TCF7L2: variants seen among roughly 807,000 people sequenced by gnomAD.
TCF7L2 encodes transcription factor 7 like 2, also known as transcription factor 7-like 2.
TCF7L2 carries 23 observed loss-of-function variants against 77.9 expected under a neutral mutation model. The ratio of observed to expected loss-of-function variants is 0.30; its 90% CI spans 0.21 to 0.42. The LOEUF (loss-of-function observed/expected upper bound fraction) is 0.42. Among genes scored for constraint, TCF7L2 ranks in the 10% least tolerant of loss-of-function variants. The pLI is 1.00. For synonymous variants in TCF7L2, 413 were observed against 340.2 expected (o/e 1.21, Z -2.36); for missense variants, 654 against 793.1 (o/e 0.82, Z 2.11).
At chr10:113,031,086 C>T (rs572605431) in intron 4 of TCF7L2, among the ~76,000 whole-genome samples, 1 of 152,172 alleles carries the variant, frequency 6.6e-6, no homozygotes, top group Non-Finnish European at 1.5e-5. Flanking sequence ...GAGTTCTGGC[C>T]TGGAAGTACC....
At chr10:112,991,258 G>A (rs138664086) in intron 4 of TCF7L2, among the ~76,000 whole-genome samples, 1 of 151,790 alleles carries the variant, frequency 6.6e-6, no homozygotes, top group South Asian at 2.1e-4. Flanking sequence ...GGCCGGGCGC[G>A]GTGGCTCATG....
At chr10:113,111,255 A>C (rs1268066395) in intron 5 of TCF7L2, among the ~76,000 whole-genome samples, 1 of 152,162 alleles carries the variant, frequency 6.6e-6, no homozygotes, top group Non-Finnish European at 1.5e-5. Context: ...GCTTTTTGAC[A>C]GTTGTAAATA....
chr10:113,000,525 C>T (rs35801464), intron 4 of TCF7L2, among the ~76,000 whole-genome samples: 8,352 of 152,196 alleles, frequency 0.055, 233 homozygotes, highest in Non-Finnish European at 0.064. Flanking sequence ...TGGATTTAAC[C>T]AGCAGCCCAG....
intron 4 of TCF7L2, among the ~76,000 whole-genome samples, chr10:112,982,011 G>A (rs879333353): frequency 6.6e-6 from 1 of 152,186 alleles, no homozygotes; most frequent in Admixed American, 6.5e-5. Flanking sequence ...TTATCCCTCT[G>A]TCTTTGCTTC....
Position 112,951,625 on chromosome 10 carries a change from C to A in TCF7L2, c.381+18C>A. The A allele has an allele frequency of 8.6e-7, 1 of 1,160,590 alleles. No individual in the cohort carries two copies. The highest frequency in any genetic ancestry group is 1.1e-6 in the Non-Finnish European group (1 of 926,818). The allele number at this position is 1,160,590 out of a possible 1,614,324, so 71.9% of individuals were successfully genotyped here. ...CCCGAACCGTAAGTGCCTCCGCGCC[C>A]GGCCCCCGCCCGCTGCCCGCCCGCC... On this transcript the variant is annotated intron_variant, in intron 3 of 13. Coordinates refer to ENST00000627217, the MANE Select transcript of TCF7L2 (RefSeq NM_001146274.2).
chr10:113,085,102 T>C (rs1432506683), intron 5 of TCF7L2, among the ~76,000 whole-genome samples: 1 of 152,082 alleles, frequency 6.6e-6, no homozygotes, highest in Non-Finnish European at 1.5e-5. Flanking sequence ...GGTTTCCCTC[T>C]GTCACCCAGG....
intron 8 of TCF7L2, among the ~76,000 whole-genome samples, chr10:113,149,614 G>GA (rs1298023981): frequency 6.6e-6 from 1 of 152,124 alleles, no homozygotes; most frequent in Admixed American, 6.5e-5. Flanking sequence ...CCCGCTTCTG[G>GA]AAAAAACTTT....
At chr10:113,107,074 G>A (rs1410838332) in intron 5 of TCF7L2, among the ~76,000 whole-genome samples, 2 of 152,170 alleles carry the variant, frequency 1.3e-5, no homozygotes, top group Non-Finnish European at 2.9e-5. Context: ...GAAACAAGCC[G>A]GTGCCCTGGG....
At chr10:113,012,125 G>C (rs1478198807) in intron 4 of TCF7L2, among the ~76,000 whole-genome samples, 1 of 152,162 alleles carries the variant, frequency 6.6e-6, no homozygotes, top group East Asian at 1.9e-4. Flanking sequence ...CAACACATCA[G>C]AATCACTTGG....
intron 5 of TCF7L2, among the ~76,000 whole-genome samples, chr10:113,100,147 C>T (rs1163249194): frequency 2.0e-5 from 3 of 152,184 alleles, no homozygotes; most frequent in Admixed American, 6.5e-5. Context: ...AGAGGAATGT[C>T]TTCCAGGTGG....
At chr10:113,134,553 G>A (rs1448719103) in intron 5 of TCF7L2, among the ~76,000 whole-genome samples, 2 of 152,234 alleles carry the variant, frequency 1.3e-5, no homozygotes, top group African/African-American at 4.8e-5. Flanking sequence ...CCAAAGGGTA[G>A]TTGATGGATA....
chr10:112,969,690 C>G (rs182454116), intron 4 of TCF7L2, among the ~76,000 whole-genome samples: 2 of 152,060 alleles, frequency 1.3e-5, no homozygotes, highest in South Asian at 2.1e-4. Context: ...GCCCAAGCTC[C>G]GGTGCAGGCC....
intron 4 of TCF7L2, among the ~76,000 whole-genome samples, chr10:113,013,783 C>G (rs549814018): frequency 6.6e-6 from 1 of 152,238 alleles, no homozygotes; most frequent in Admixed American, 6.5e-5. Flanking sequence ...TTGGTGGGGT[C>G]CATCTTTCTG....
intron 5 of TCF7L2, among the ~76,000 whole-genome samples, chr10:113,073,560 T>C (rs1260251383): frequency 7.5e-6 from 1 of 132,648 alleles, no homozygotes; most frequent in African/African-American, 2.9e-5. Flanking sequence ...GGGGTGGTGG[T>C]GTGCTCCTAT....
At chr10:113,104,233 G>A (rs2061996558) in intron 5 of TCF7L2, among the ~76,000 whole-genome samples, 2 of 152,180 alleles carry the variant, frequency 1.3e-5, no homozygotes, top group African/African-American at 4.8e-5. Context: ...CACGCTGGAG[G>A]GGTGTCTGTC....
chr10:113,036,571 C>T (rs1019266978), intron 4 of TCF7L2, among the ~76,000 whole-genome samples: 4 of 152,050 alleles, frequency 2.6e-5, no homozygotes, highest in Non-Finnish European at 5.9e-5. Flanking sequence ...CTCCCTGAGA[C>T]ATATCATAAA....
chr10:113,097,706 G>A (rs945098726), intron 5 of TCF7L2, among the ~76,000 whole-genome samples: 5 of 148,776 alleles, frequency 3.4e-5, no homozygotes, highest in African/African-American at 1.3e-4. Flanking sequence ...GAGGTGAGAG[G>A]GAAAGGTGTA....
At chr10:113,161,351 ATG>A in intron 13 of TCF7L2, 1 of 570,220 alleles carries the variant, frequency 1.8e-6, no homozygotes, top group Non-Finnish European at 3.1e-6. Flanking sequence ...AACAAAATAT[ATG>A]TGTGTATATA....
chr10:112,986,821 C>G (rs4073980), intron 4 of TCF7L2, among the ~76,000 whole-genome samples: 79,105 of 152,006 alleles, frequency 0.52, 22,619 homozygotes, highest in African/African-American at 0.75. Context: ...TTTCTCTGGG[C>G]ATACTGGATC....
Sources: allele counts gnomAD v4.1 joint callset (sites outside exome capture counted in the v4.1 genomes callset), GRCh38; gene constraint gnomAD v4.1.1; transcripts MANE v1.5; gene names NCBI Gene and HGNC (gene_info 2026-07-23, HGNC 2026-07-21).